SMAD2: variants seen among roughly 807,000 people sequenced by gnomAD.
The protein encoded by SMAD2 is MAD homolog 2.
Under a neutral mutation model 64.4 loss-of-function variants are expected in SMAD2, and 8 were observed. That is an observed-to-expected ratio of 0.12 (90% CI 0.07 to 0.22). The LOEUF is 0.22. SMAD2 is among the 10% of genes least tolerant of loss of function. SMAD2 has a pLI of 1.00. For missense variants in SMAD2, 289 were observed against 561.2 expected, an observed-to-expected ratio of 0.51 and a Z score of 4.90; for synonymous variants, 203 against 195.8, an observed-to-expected ratio of 1.04 and a Z score of -0.31.
intron 2 of SMAD2, among the ~76,000 whole-genome samples, chr18:47,881,465 T>C (rs2032584248): frequency 6.6e-6 from 1 of 152,234 alleles, no homozygotes; most frequent in Admixed American, 6.5e-5. Flanking sequence ...TTGCTAAATT[T>C]ACTCATTTGT....
At chr18:47,852,858 C>T (rs1186713217) in intron 6 of SMAD2, among the ~76,000 whole-genome samples, 2 of 152,174 alleles carry the variant, frequency 1.3e-5, no homozygotes, top group Non-Finnish European at 2.9e-5. Context: ...CGCAACTAGT[C>T]TGCTCAGTTC....
At chr18:47,926,499 C>A (rs2034771925) in intron 1 of SMAD2, among the ~76,000 whole-genome samples, 1 of 152,128 alleles carries the variant, frequency 6.6e-6, no homozygotes, top group Non-Finnish European at 1.5e-5. Context: ...AGGCTAACAT[C>A]CTACTCCCCA....
At chr18:47,855,276 G>C (rs2030566397) in intron 6 of SMAD2, among the ~76,000 whole-genome samples, 1 of 152,162 alleles carries the variant, frequency 6.6e-6, no homozygotes, top group Non-Finnish European at 1.5e-5. Context: ...CATCTTGGTT[G>C]CTTCCAAGTT....
rs1051639047 is a variant in SMAD2, at chr18:47,810,209, G to A, written c.*31618C>T. On this transcript the variant is annotated 3_prime_UTR_variant, in exon 11 of 11. Transcript: ENST00000262160. Reference sequence around the variant, plus strand: ...GACCCAGAAATACTAAGAACCAAGTGAATTCCAAATTGCACACACGAGAAG... The same window carrying A: ...GACCCAGAAATACTAAGAACCAAGTAAATTCCAAATTGCACACACGAGAAG... 6.6e-6 allele frequency: 1 copy of A among 152,232 alleles called. No individual in the cohort carries two copies. Among genetic ancestry groups the A allele is most frequent in the Non-Finnish European group, 1.5e-5 (1 of 68,038 alleles). 9.4% of individuals were successfully genotyped at this position (152,232 alleles called of 1,614,324 possible). A position where few individuals can be genotyped will look rare whatever the true frequency, so the allele number is the denominator to read the frequency against.
At chr18:47,889,405 G>A (rs1198202755) in intron 2 of SMAD2, among the ~76,000 whole-genome samples, 1 of 151,746 alleles carries the variant, frequency 6.6e-6, no homozygotes. Flanking sequence ...AATGTCCTGG[G>A]TATGACATTT....
intron 1 of SMAD2, among the ~76,000 whole-genome samples, chr18:47,905,515 CA>C (rs975125738): frequency 9.3e-5 from 14 of 150,368 alleles, no homozygotes; most frequent in Middle Eastern, 3.5e-3. Flanking sequence ...GGAGGCCTTA[CA>C]CCACCTTATT....
At chr18:47,872,734 G>A (rs1198756502) in intron 2 of SMAD2, among the ~76,000 whole-genome samples, 1 of 152,092 alleles carries the variant, frequency 6.6e-6, no homozygotes, top group African/African-American at 2.4e-5. Context: ...CTCCTTAAGA[G>A]AATCTAACTA....
At position 47,841,040 on chromosome 18, in the gene SMAD2, T is replaced by C. The variant is rs913140726; in HGVS notation, c.*787A>G. 8.6e-6 allele frequency: 2 copies of C among 232,282 alleles called. No individual in the cohort carries two copies. Among genetic ancestry groups the C allele is most frequent in the African/African-American group, 4.4e-5 (2 of 45,162 alleles). The allele number at this position is 232,282 out of a possible 1,614,324, so 14.4% of individuals were successfully genotyped here. ...GTATCAATGCAACTATTACTGGTGA[T>C]GATGTCATGTTATGCTGTTTTGATT... On this transcript the variant is annotated 3_prime_UTR_variant, in exon 11 of 11. Transcript: ENST00000262160.
intron 1 of SMAD2, among the ~76,000 whole-genome samples, chr18:47,914,554 G>C (rs928018979): frequency 2.0e-5 from 3 of 152,156 alleles, no homozygotes; most frequent in African/African-American, 7.2e-5. Flanking sequence ...AGAAAGATCA[G>C]AAATTTGGTT....
At chr18:47,868,697 C>G (rs1217304122) in intron 4 of SMAD2, among the ~76,000 whole-genome samples, 1 of 152,000 alleles carries the variant, frequency 6.6e-6, no homozygotes, top group African/African-American at 2.4e-5. Context: ...CAATGTGATC[C>G]TGGTAATATT....
At chr18:47,903,971 A>T (rs1390758087) in intron 1 of SMAD2, among the ~76,000 whole-genome samples, 1 of 151,942 alleles carries the variant, frequency 6.6e-6, no homozygotes, top group Non-Finnish European at 1.5e-5. Context: ...GAACAAAAAA[A>T]TGTATGAAGA....
intron 8 of SMAD2, among the ~76,000 whole-genome samples, chr18:47,847,764 T>C (rs118049049): frequency 0.036 from 5,345 of 150,418 alleles, 141 homozygotes; most frequent in Admixed American, 0.049. Context: ...TGTAACAGAA[T>C]TGGAGTCTCA....
At position 47,827,556 on chromosome 18, in the gene SMAD2, A is replaced by G. The variant is rs909995347; in HGVS notation, c.*14271T>C. 6.5e-6 allele frequency: 1 copy of G among 153,016 alleles called. No individual in the cohort carries two copies. The highest frequency in any genetic ancestry group is 1.5e-5 in the Non-Finnish European group (1 of 68,744). The allele number at this position is 153,016 out of a possible 1,614,324, so 9.5% of individuals were successfully genotyped here. A position where few individuals can be genotyped will look rare whatever the true frequency, so the allele number is the denominator to read the frequency against. On this transcript the variant is annotated 3_prime_UTR_variant, in exon 11 of 11. Coordinates refer to ENST00000262160, the MANE Select transcript of SMAD2 (RefSeq NM_005901.6). Reference sequence around the variant, plus strand: ...GCCAAGGCTGGACTGTACTGCCGCCATCTCGGCTCACTGCAACCTCCCTGC... The same window carrying G: ...GCCAAGGCTGGACTGTACTGCCGCCGTCTCGGCTCACTGCAACCTCCCTGC...
rs1176795858 is a variant in SMAD2 at position 47,818,745 on chromosome 18, A to AGGGGTT, written c.*23076_*23081dup. 6.6e-6 allele frequency: 1 copy of AGGGGTT among 152,226 alleles called. No homozygotes were observed. The highest frequency in any genetic ancestry group is 1.9e-4 in the East Asian group (1 of 5,208). 9.4% of individuals were successfully genotyped at this position (152,226 alleles called of 1,614,324 possible). A position where few individuals can be genotyped will look rare whatever the true frequency, so the allele number is the denominator to read the frequency against. On this transcript the variant is annotated 3_prime_UTR_variant, in exon 11 of 11. Transcript: ENST00000262160. Reference sequence around the variant, plus strand: ...ATTTGAAACTGAAAAAAGGGAAAAAAGGGGTTGGGGAGGTGGGGTAAGAGG... The same window carrying AGGGGTT: ...ATTTGAAACTGAAAAAAGGGAAAAAAGGGGTTGGGGTTGGGGAGGTGGGGTAAGAGG...
rs1470238110 is a variant in SMAD2, at chr18:47,824,740, A to T, written c.*17087T>A. On this transcript the variant is annotated 3_prime_UTR_variant, in exon 11 of 11. Transcript: ENST00000262160. ...TTTAAATATAGACAGTATATTTAAAAAAAACATAAAAAGTATGTCGAACAT... is the reference window on the plus strand; with the variant it reads ...TTTAAATATAGACAGTATATTTAAATAAAACATAAAAAGTATGTCGAACAT... The T allele has an allele frequency of 6.6e-6, 1 of 152,266 alleles. No homozygotes were observed. Among genetic ancestry groups the T allele is most frequent in the Non-Finnish European group, 1.5e-5 (1 of 68,048 alleles). The allele number at this position is 152,266 out of a possible 1,614,324, so 9.4% of individuals were successfully genotyped here.
chr18:47,910,092 A>C (rs1329308210), intron 1 of SMAD2, among the ~76,000 whole-genome samples: 2 of 152,132 alleles, frequency 1.3e-5, no homozygotes, highest in African/African-American at 2.4e-5. Context: ...CTACTAGAGA[A>C]AACAGTATCC....
chr18:47,847,892 A>G (rs1025276855), intron 8 of SMAD2, among the ~76,000 whole-genome samples: 4 of 152,142 alleles, frequency 2.6e-5, no homozygotes, highest in African/African-American at 7.2e-5. Context: ...CAGTACTACT[A>G]TGAAAATAGC....
rs549500660 is a variant in SMAD2, at chr18:47,904,095, G to A, written c.-53-7286C>T. Among the ~76,000 whole-genome samples, 11 of 151,924 alleles carry A rather than the reference G, an allele frequency of 7.2e-5. No homozygotes were observed. In the South Asian group the frequency reaches 1.0e-3, roughly 14 times the overall value. On this transcript the variant is annotated intron_variant, in intron 1 of 10. Transcript: ENST00000262160. ...AAGATAAAAGTAAGGATGAAAGGCC[G>A]AGCTAGGATAACAGTTAAAATCCCT...
rs532060787 is a variant in SMAD2, at chr18:47,821,614, C to T, written c.*20213G>A. On this transcript the variant is annotated 3_prime_UTR_variant, in exon 11 of 11. Coordinates refer to ENST00000262160, the MANE Select transcript of SMAD2 (RefSeq NM_005901.6). ...CCTGTGTCTGATTAAATTCAAGTAC[C>T]TTTTCATCAGATTCAACTTTCAGTA... The T allele has an allele frequency of 6.6e-6, 1 of 152,184 alleles. No individual in the cohort carries two copies. Among genetic ancestry groups the T allele is most frequent in the African/African-American group, 2.4e-5 (1 of 41,440 alleles). The allele number at this position is 152,184 out of a possible 1,614,324, so 9.4% of individuals were successfully genotyped here.
Sources: gnomAD v4.1 joint callset for allele counts (sites outside exome capture counted in the v4.1 genomes callset) on GRCh38, gnomAD v4.1.1 for gene constraint, MANE v1.5 for transcripts, NCBI Gene and HGNC (gene_info 2026-07-23, HGNC 2026-07-21) for gene names.